Variants in PPP5C observed in about 807,000 individuals in gnomAD.
PPP5C encodes the protein protein phosphatase 5 catalytic subunit.
A neutral mutation model predicts 66.7 loss-of-function variants in PPP5C; 21 were observed. The ratio of observed to expected loss-of-function variants is 0.31; its 90% CI spans 0.22 to 0.45. The LOEUF (loss-of-function observed/expected upper bound fraction) is 0.45. PPP5C is among the 20% of genes least tolerant of loss of function. The probability of loss-of-function intolerance (pLI) is 1.00; values close to 1 mark genes in which losing one functional copy is unlikely to be tolerated. For missense variants in PPP5C, 464 were observed against 675.9 expected, an observed-to-expected ratio of 0.69 and a Z score of 3.48; for synonymous variants, 246 against 257.4, an observed-to-expected ratio of 0.96 and a Z score of 0.43.
chr19:46,350,760 C>A (rs998786422), intron 1 of PPP5C, among the ~76,000 whole-genome samples: 6 of 151,954 alleles, frequency 3.9e-5, no homozygotes, highest in Non-Finnish European at 8.8e-5. Context: ...AGTGAAAAAA[C>A]CACTCGCCCA....
At position 46,357,344 on chromosome 19, in the gene PPP5C, G is replaced by A. The variant is rs144571146; in HGVS notation, c.363+3355G>A. ...CTTACAAGCATGAGCCATGGCACCC[G>A]GCCCCAAAGTGTTTTTTCTATTCTC... On this transcript the variant is annotated intron_variant, in intron 2 of 12. Coordinates refer to ENST00000012443, the MANE Select transcript of PPP5C (RefSeq NM_006247.4). 4.9e-4 allele frequency among the ~76,000 whole-genome samples: 75 copies of A among 152,264 alleles called. 1 individual carries two copies. In the Middle Eastern group the frequency reaches 0.014, roughly 28 times the overall value.
chr19:46,389,942 T>G (rs1187962239), intron 11 of PPP5C, 109 bp from the exon 12 acceptor site: 1 of 958,438 alleles, frequency 1.0e-6, no homozygotes, highest in African/African-American at 1.6e-5. Flanking sequence ...CTGTTGTGGC[T>G]CTGTCCCTCC....
chr19:46,362,110 A>G (rs1972403177), intron 2 of PPP5C, among the ~76,000 whole-genome samples: 1 of 152,114 alleles, frequency 6.6e-6, no homozygotes, highest in East Asian at 1.9e-4. Flanking sequence ...AACCTTCCTT[A>G]CCAAAACCAC....
rs16980479 is a variant in PPP5C at position 46,375,397 on chromosome 19, C to A, written c.364-207C>A. Among the ~76,000 whole-genome samples the A allele has an allele frequency of 8.3e-3, 1,267 of 152,328 alleles. 43 individuals carry two copies. Among genetic ancestry groups the A allele is most frequent in the East Asian group, 0.056 (289 of 5,168 alleles). On this transcript the variant is annotated intron_variant, in intron 2 of 12. Coordinates refer to ENST00000012443, the MANE Select transcript of PPP5C (RefSeq NM_006247.4). ...GCTCATAGCTAAGATTGATGAAGTG[C>A]ACCCATGCGGGCAGCTTTGCTGTGC...
rs2147400360 is a variant in PPP5C at position 46,384,119 on chromosome 19, C to T, written c.798+241C>T. On this transcript the variant is annotated intron_variant, in intron 6 of 12. Transcript: ENST00000012443. ...GTGTGACCTAAGCTGGTAGCTCAGT[C>T]TCTCTGGGTCTTGGCTTGTCTTCGT... is the stretch of plus-strand genomic sequence containing the variant. The T allele has an allele frequency of 9.4e-6, 5 of 531,132 alleles. No individual in the cohort carries two copies. In the South Asian group the frequency reaches 1.2e-4, roughly 13 times the overall value. 32.9% of individuals were successfully genotyped at this position (531,132 alleles called of 1,614,324 possible).
At position 46,359,745 on chromosome 19, in the gene PPP5C, CT is replaced by C. The variant is rs1335802284; in HGVS notation, c.363+5759del. ...ACCATATAGACTCCTTTTAAGTTGG[CT>C]TTCCCGGAAAATGAGGAATTTCGGA... On this transcript the variant is annotated intron_variant, in intron 2 of 12. Coordinates refer to ENST00000012443, the MANE Select transcript of PPP5C (RefSeq NM_006247.4). Among the ~76,000 whole-genome samples, 8 of 147,066 alleles carry C rather than the reference CT, an allele frequency of 5.4e-5. No homozygotes were observed. The East Asian group carries it at 1.6e-3, about 29-fold the overall frequency.
intron 4 of PPP5C, among the ~76,000 whole-genome samples, chr19:46,380,465 C>T (rs1035274645): frequency 6.6e-6 from 1 of 152,176 alleles, no homozygotes; most frequent in Non-Finnish European, 1.5e-5. Context: ...AAGAAATACA[C>T]GTATGAATAC....
chr19:46,350,258 A>G (rs1972160256), intron 1 of PPP5C, among the ~76,000 whole-genome samples: 1 of 152,206 alleles, frequency 6.6e-6, no homozygotes, highest in African/African-American at 2.4e-5. Context: ...ACTTGGCAGA[A>G]TAAGTGAAGT....
chr19:46,360,817 C>G (rs753801533), intron 2 of PPP5C, among the ~76,000 whole-genome samples: 3 of 151,890 alleles, frequency 2.0e-5, no homozygotes, highest in Non-Finnish European at 2.9e-5. Context: ...TTTTGTAAAC[C>G]CTACAAATGC....
intron 6 of PPP5C, chr19:46,384,231 G>A (rs1369873016): frequency 6.3e-6 from 2 of 315,506 alleles, no homozygotes; most frequent in East Asian, 6.5e-5. Flanking sequence ...CTGTGTGACC[G>A]AAGCAGGTTA....
chr19:46,390,480 TCC>T lies in PPP5C; in HGVS notation c.*137_*138del. The stretch of plus-strand genomic sequence containing the variant: ...TTTACTTTGTAAAGTTTGTATTTAT[TCC>T]CCTTTAGGTTTGCAGAGGGGGTAGG... On this transcript the variant is annotated 3_prime_UTR_variant, in exon 13 of 13. Coordinates refer to ENST00000012443, the MANE Select transcript of PPP5C (RefSeq NM_006247.4). 6.6e-7 allele frequency: 1 copy of T among 1,504,652 alleles called. No homozygotes were observed. The highest frequency in any genetic ancestry group is 1.3e-5 in the South Asian group (1 of 79,954). The allele number at this position is 1,504,652 out of a possible 1,614,324, so 93.2% of individuals were successfully genotyped here.
At chr19:46,349,332 A>AT (rs1225438234) in intron 1 of PPP5C, among the ~76,000 whole-genome samples, 1 of 151,684 alleles carries the variant, frequency 6.6e-6, no homozygotes, top group Non-Finnish European at 1.5e-5. Flanking sequence ...GGAAAGATGG[A>AT]TTTTTTGTAA....
intron 12 of PPP5C, 75 bp downstream of exon 12, chr19:46,390,207 C>CG (rs1387019609): frequency 3.2e-5 from 52 of 1,607,110 alleles, no homozygotes; most frequent in Non-Finnish European, 4.1e-5. Flanking sequence ...TGGTAAGGGG[C>CG]AGGGGTAGGT....
At chr19:46,377,404 C>T (rs760713891) in intron 4 of PPP5C, among the ~76,000 whole-genome samples, 13 of 152,150 alleles carry the variant, frequency 8.5e-5, no homozygotes, top group Non-Finnish European at 1.8e-4. Flanking sequence ...ATCAGTGCTT[C>T]GAATAGTGCC....
chr19:46,380,690 T>C (rs1972775388), intron 4 of PPP5C, among the ~76,000 whole-genome samples: 2 of 152,236 alleles, frequency 1.3e-5, no homozygotes, highest in Admixed American at 1.3e-4. Flanking sequence ...GATGTAGAGT[T>C]CTAGGTTGAC....
At position 46,390,611 on chromosome 19, in the gene PPP5C, G is replaced by A. The variant is rs796074694; in HGVS notation, c.*265G>A. On this transcript the variant is annotated 3_prime_UTR_variant, in exon 13 of 13. Coordinates refer to ENST00000012443, the MANE Select transcript of PPP5C (RefSeq NM_006247.4). ...AGCCTGGGCATTCTGTGGGGAGGCC[G>A]TCCTCGGGGTGGGGTGGGGCCGAGT... 15 of 1,351,108 alleles carry A rather than the reference G, an allele frequency of 1.1e-5. No homozygotes were observed. The highest frequency in any genetic ancestry group is 1.0e-4 in the African/African-American group (7 of 67,990). The allele number at this position is 1,351,108 out of a possible 1,614,324, so 83.7% of individuals were successfully genotyped here.
At chr19:46,384,129 C>T in intron 6 of PPP5C, 1 of 514,954 alleles carries the variant, frequency 1.9e-6, no homozygotes, top group South Asian at 2.6e-5. Flanking sequence ...CTCTCTGGGT[C>T]TTGGCTTGTC....
intron 2 of PPP5C, among the ~76,000 whole-genome samples, chr19:46,362,287 A>G (rs1358332558): frequency 6.6e-6 from 1 of 152,214 alleles, no homozygotes; most frequent in Non-Finnish European, 1.5e-5. Flanking sequence ...TTAGAAATAT[A>G]GGGTTTCTAA....
intron 7 of PPP5C, 124 bp from the exon 8 acceptor site, chr19:46,386,969 T>TG (rs2147404766): frequency 2.2e-6 from 3 of 1,379,612 alleles, no homozygotes; most frequent in Non-Finnish European, 2.0e-6. Flanking sequence ...GGCACCGCAG[T>TG]GGCAAGTGCG....
Sources: allele counts gnomAD v4.1 joint callset (sites outside exome capture counted in the v4.1 genomes callset), GRCh38; gene constraint gnomAD v4.1.1; transcripts MANE v1.5; gene names NCBI Gene and HGNC (gene_info 2026-07-23, HGNC 2026-07-21).